Variants in ZPBP observed in about 807,000 individuals in gnomAD.
ZPBP encodes zona pellucida-binding protein 1.
ZPBP carries 26 observed loss-of-function variants against 44.8 expected under a neutral mutation model. The ratio of observed to expected loss-of-function variants is 0.58; its 90% CI spans 0.43 to 0.81. ZPBP has a LOEUF of 0.81. Ranked by LOEUF, ZPBP falls within the 30% of genes least tolerant of loss-of-function variation. The pLI is 0.00. For synonymous variants in ZPBP, 174 were observed against 153.2 expected (o/e 1.14, Z -1.00); for missense variants, 409 against 434.0 (o/e 0.94, Z 0.51).
intron 7 of ZPBP, among the ~76,000 whole-genome samples, chr7:49,980,190 T>A (rs56281940): frequency 8.4e-6 from 1 of 118,478 alleles, no homozygotes; most frequent in African/African-American, 3.4e-5. Context: ...AAAATTAAAT[T>A]GTATTATGTT....
chr7:49,924,894 A>T (rs1583851782), intron 1 of ZPBP, among the ~76,000 whole-genome samples: 2 of 152,204 alleles, frequency 1.3e-5, no homozygotes, highest in South Asian at 4.1e-4. Context: ...TAAATCCCAG[A>T]CCCACCAACA....
intron 6 of ZPBP, among the ~76,000 whole-genome samples, chr7:49,986,847 G>T (rs1797306118): frequency 6.6e-6 from 1 of 152,072 alleles, no homozygotes; most frequent in East Asian, 1.9e-4. Flanking sequence ...CAAAAAGAGG[G>T]GTATCTTAGG....
chr7:50,028,064 G>A (rs1227393737), intron 5 of ZPBP, among the ~76,000 whole-genome samples: 1 of 151,306 alleles, frequency 6.6e-6, no homozygotes, highest in Non-Finnish European at 1.5e-5. Context: ...ATATCATGAA[G>A]CTAGCATTAC....
chr7:50,024,115 T>C (rs1799215971), intron 5 of ZPBP, among the ~76,000 whole-genome samples: 1 of 152,068 alleles, frequency 6.6e-6, no homozygotes, highest in African/African-American at 2.4e-5. Context: ...TGGGATATCA[T>C]CTCATGCCTG....
At chr7:49,973,171 C>T (rs6979166) in intron 7 of ZPBP, among the ~76,000 whole-genome samples, 113,284 of 151,340 alleles carry the variant, frequency 0.75, 42,635 homozygotes, top group East Asian at 0.88. Context: ...GCAACTACTC[C>T]TTGGATATGG....
At chr7:50,025,224 A>C (rs915200934) in intron 5 of ZPBP, among the ~76,000 whole-genome samples, 2 of 151,912 alleles carry the variant, frequency 1.3e-5, no homozygotes, top group African/African-American at 4.8e-5. Context: ...AATTTGATAT[A>C]TACTTTAAAC....
At chr7:50,033,978 C>A (rs1335247653) in intron 4 of ZPBP, among the ~76,000 whole-genome samples, 1 of 152,118 alleles carries the variant, frequency 6.6e-6, no homozygotes, top group Non-Finnish European at 1.5e-5. Context: ...CAGGTGTAAG[C>A]CACTGTGCCC....
intron 1 of ZPBP, chr7:49,912,214 T>C: frequency 1.2e-6 from 2 of 1,612,340 alleles, no homozygotes; most frequent in South Asian, 1.1e-5. Context: ...ACTCTGACTT[T>C]TTCTAGAACA....
At chr7:50,056,623 T>C (rs914999141) in intron 4 of ZPBP, among the ~76,000 whole-genome samples, 17 of 152,240 alleles carry the variant, frequency 1.1e-4, no homozygotes, top group African/African-American at 4.1e-4. Flanking sequence ...AGATGGAACC[T>C]ACTAGCAACT....
chr7:49,905,823 G>T (rs1421523154), intron 1 of ZPBP, among the ~76,000 whole-genome samples: 1 of 152,174 alleles, frequency 6.6e-6, no homozygotes, highest in African/African-American at 2.4e-5. Flanking sequence ...GATAAAACAG[G>T]CTGCAGTAAA....
chr7:49,937,708 G>C (rs1192262754), intron 7 of ZPBP, 86 bp from the exon 8 acceptor site: 2 of 1,087,688 alleles, frequency 1.8e-6, no homozygotes. Flanking sequence ...TAAGTGTATA[G>C]TTCAGTAGTA....
At chr7:50,059,598 C>T (rs73340131) in intron 3 of ZPBP, among the ~76,000 whole-genome samples, 7,162 of 152,090 alleles carry the variant, frequency 0.047, 187 homozygotes, top group African/African-American at 0.067. Context: ...AGAAACACCT[C>T]GTAGAGATGT....
At chr7:50,034,457 A>C (rs1175019157) in intron 4 of ZPBP, among the ~76,000 whole-genome samples, 1 of 152,168 alleles carries the variant, frequency 6.6e-6, no homozygotes, top group Non-Finnish European at 1.5e-5. Flanking sequence ...AAATCTATCA[A>C]ATTGCCACTC....
At chr7:49,899,006 C>A (rs1792556504) in intron 2 of ZPBP, among the ~76,000 whole-genome samples, 1 of 151,930 alleles carries the variant, frequency 6.6e-6, no homozygotes, top group African/African-American at 2.4e-5. Flanking sequence ...ACTATATTAA[C>A]AGTCACTTTG....
Position 49,864,249 on chromosome 7 carries a change from A to G in ZPBP, n.510-13735T>C, listed in dbSNP as rs759729472. ...AATATCAAGGGAAAGAGAGGAAGAC[A>G]GAGAAAGAAGACAAAGAAGGAGGGA... On this transcript the variant is annotated intron_variant and non_coding_transcript_variant, in intron 2 of 2. Coordinates refer to the ZPBP transcript ENST00000465922. 1.3e-4 allele frequency among the ~76,000 whole-genome samples: 20 copies of G among 152,014 alleles called. 1 individual carries two copies. The highest frequency in any genetic ancestry group is 2.2e-4 in the Non-Finnish European group (15 of 68,032).
chr7:50,046,043 A>C (rs770751733), intron 4 of ZPBP, among the ~76,000 whole-genome samples: 3 of 152,056 alleles, frequency 2.0e-5, no homozygotes, highest in Non-Finnish European at 2.9e-5. Flanking sequence ...ACAAGCAATG[A>C]GAAAAAGATT....
chr7:50,073,346 A>G (rs191191834), intron 3 of ZPBP, among the ~76,000 whole-genome samples: 28 of 152,214 alleles, frequency 1.8e-4, no homozygotes, highest in African/African-American at 6.3e-4. Flanking sequence ...CTACTTAAAA[A>G]TACATGAAGG....
At chr7:49,853,984 G>A (rs1041417404) in intron 2 of ZPBP, among the ~76,000 whole-genome samples, 10 of 151,674 alleles carry the variant, frequency 6.6e-5, no homozygotes, top group East Asian at 1.9e-4. Context: ...CTGTCCCTGC[G>A]ATAGTTTGCT....
At chr7:50,016,687 C>A (rs373204423) in intron 6 of ZPBP, among the ~76,000 whole-genome samples, 1 of 152,114 alleles carries the variant, frequency 6.6e-6, no homozygotes, top group East Asian at 1.9e-4. Flanking sequence ...CATTCCAACC[C>A]CATTTCCAAA....
Sources: allele counts gnomAD v4.1 joint callset (sites outside exome capture counted in the v4.1 genomes callset), GRCh38; gene constraint gnomAD v4.1.1; transcripts MANE v1.5; gene names NCBI Gene and HGNC (gene_info 2026-07-23, HGNC 2026-07-21).